Variants in SYPL2 observed in about 807,000 individuals in gnomAD.
SYPL2 encodes the protein synaptophysin-like protein 2.
A neutral mutation model predicts 31.3 loss-of-function variants in SYPL2; 24 were observed. The ratio of observed to expected loss-of-function variants is 0.77; its 90% confidence interval spans 0.56 to 1.08. SYPL2 has a LOEUF of 1.08. Ranked by LOEUF, SYPL2 falls within the 50% of genes least tolerant of loss-of-function variation. The probability of loss-of-function intolerance (pLI) is 0.00; values close to 1 mark genes in which losing one functional copy is unlikely to be tolerated. For missense variants in SYPL2, 342 were observed against 360.1 expected, an observed-to-expected ratio of 0.95 and a Z score of 0.41; for synonymous variants, 144 against 143.1, an observed-to-expected ratio of 1.01 and a Z score of -0.05.
intron 2 of SYPL2, among the ~76,000 whole-genome samples, chr1:109,468,862 G>C (rs1402798646): frequency 6.6e-6 from 1 of 151,428 alleles, no homozygotes; most frequent in Non-Finnish European, 1.5e-5. Context: ...TGCAGTCTTG[G>C]GGTCAGCACT....
In SYPL2 at chr1:109,466,766, C is replaced by G; in HGVS notation, c.-78C>G. 7.1e-7 allele frequency: 1 copy of G among 1,418,146 alleles called. No homozygotes were observed. The highest frequency in any genetic ancestry group is 9.2e-7 in the Non-Finnish European group (1 of 1,090,182). 87.8% of individuals were successfully genotyped at this position (1,418,146 alleles called of 1,614,324 possible). On this transcript the variant is annotated 5_prime_UTR_variant, in exon 1 of 6. Coordinates refer to ENST00000369872, the MANE Select transcript of SYPL2 (RefSeq NM_001040709.2). ...TGCTCTGCCCCGGACCTGCAGCTCC[C>G]CGCTCCCCCGCCGTGTCCGCCGCCT...
At chr1:109,470,285 C>T (rs1298593122) in intron 2 of SYPL2, among the ~76,000 whole-genome samples, 1 of 152,166 alleles carries the variant, frequency 6.6e-6, no homozygotes, top group South Asian at 2.1e-4. Flanking sequence ...CCTGTTACCT[C>T]GCCTAAACAA....
In SYPL2 at chr1:109,477,252, G is replaced by A. The variant is rs148682111; in HGVS notation, c.456+275G>A. On this transcript the variant is annotated intron_variant, in intron 4 of 5. Coordinates refer to ENST00000369872, the MANE Select transcript of SYPL2 (RefSeq NM_001040709.2). ...ACAAGTTAAATAACCTCTCTAAATCGCAGTTTCCTTAACTATAAAATGGGG... is the reference window on the plus strand; with the variant it reads ...ACAAGTTAAATAACCTCTCTAAATCACAGTTTCCTTAACTATAAAATGGGG... 2.0e-3 allele frequency among the ~76,000 whole-genome samples: 306 copies of A among 152,170 alleles called. 5 individuals are homozygous for A. The highest frequency in any genetic ancestry group is 0.012 in the Admixed American group (189 of 15,278).
At chr1:109,477,714 C>G in intron 4 of SYPL2, 104 bp from the exon 5 acceptor site, 2 of 1,487,490 alleles carry the variant, frequency 1.3e-6, no homozygotes, top group Non-Finnish European at 9.0e-7. Flanking sequence ...GAAGAGGCAA[C>G]TGTCCTGGCA....
intron 3 of SYPL2, among the ~76,000 whole-genome samples, 186 bp from the exon 4 acceptor site, chr1:109,476,589 GT>G (rs1656003817): frequency 6.6e-6 from 1 of 152,168 alleles, no homozygotes. Flanking sequence ...GGAAGGTAGA[GT>G]TTTACTGGAA....
At chr1:109,477,384 A>G (rs1470191541) in intron 4 of SYPL2, among the ~76,000 whole-genome samples, 1 of 152,156 alleles carries the variant, frequency 6.6e-6, no homozygotes, top group East Asian at 1.9e-4. Flanking sequence ...TATTAATATT[A>G]TTCCTCTTTA....
intron 2 of SYPL2, among the ~76,000 whole-genome samples, chr1:109,471,019 T>C (rs951850872): frequency 7.2e-5 from 11 of 152,190 alleles, no homozygotes; most frequent in African/African-American, 2.7e-4. Context: ...TGGCACAAGG[T>C]AGATGCTCAA....
chr1:109,477,907 A>G lies in SYPL2; in HGVS notation c.546A>G (p.Thr182=), dbSNP rs1656049987. 1 of 1,614,158 alleles carries G rather than the reference A, an allele frequency of 6.2e-7. No homozygotes were observed. The highest frequency in any genetic ancestry group is 2.2e-5 in the East Asian group (1 of 44,872). ...GKGLTDVKGA[T]RPSSLTAAMS... ...GCCTGACCGATGTCAAGGGGGCCAC[A>G]CGACCATCCAGCTTGACAGCAGCCA... The change falls in exon 5 of 6, where the codon ACA becomes ACG. Residue 182 remains threonine (T), a synonymous_variant. Coordinates refer to ENST00000369872, the MANE Select transcript of SYPL2 (RefSeq NM_001040709.2).
chr1:109,475,441 A>T, intron 2 of SYPL2, 140 bp from the exon 3 acceptor site: 1 of 1,198,352 alleles, frequency 8.3e-7, no homozygotes, highest in South Asian at 1.6e-5. Flanking sequence ...GTTTCTACCT[A>T]GGAAGAACTT....
rs1571064696 is a variant in SYPL2, at chr1:109,476,679, G to GT, written c.255-96dup. 3 of 1,302,196 alleles carry GT rather than the reference G, an allele frequency of 2.3e-6. 1 individual carries two copies. Among genetic ancestry groups the GT allele is most frequent in the South Asian group, 2.6e-5 (2 of 76,818 alleles). 80.7% of individuals were successfully genotyped at this position (1,302,196 alleles called of 1,614,324 possible). Reference sequence around the variant, plus strand: ...CTTACATGACCCCTTTCTTGGCTCTGTAAGAGTCCCCTGCTGAGAACTAGC... The same window carrying GT: ...CTTACATGACCCCTTTCTTGGCTCTGTTAAGAGTCCCCTGCTGAGAACTAGC... On this transcript the variant is annotated intron_variant, in intron 3 of 5. Coordinates refer to ENST00000369872, the MANE Select transcript of SYPL2 (RefSeq NM_001040709.2).
intron 2 of SYPL2, 134 bp downstream of exon 2, chr1:109,467,267 G>C: frequency 1.6e-6 from 1 of 642,788 alleles, no homozygotes; most frequent in Non-Finnish European, 2.6e-6. Flanking sequence ...GCGGCGACAG[G>C]TGGGCGGGGG....
rs1203381988 is a variant in SYPL2 at position 109,477,575 on chromosome 1, C to T, written c.457-243C>T. Among the ~76,000 whole-genome samples, 3 of 152,056 alleles carry T rather than the reference C, an allele frequency of 2.0e-5. No homozygotes were observed. The East Asian group carries it at 5.8e-4, about 29-fold the overall frequency. On this transcript the variant is annotated intron_variant, in intron 4 of 5. Transcript: ENST00000369872. ...TTTGGGGTGAGGCTGACCAACGATG[C>T]CTTGGTACACTGTTGCCAGATCTTA...
chr1:109,479,456 G>A lies in SYPL2; in HGVS notation c.727G>A (p.Gly243Ser), dbSNP rs1158786808. Residue 243 changes from glycine to serine, a missense_variant, in exon 6 of 6, where the codon GGC (glycine) becomes AGC (serine). Gly to Ser is a moderately conservative substitution (Grantham distance 56). Transcript: ENST00000369872. ...CAAGGAGACCCCGTGGCATGGACAG[G>A]GCCAGGGCCAGGACCAGGACCAGGA... is the stretch of plus-strand genomic sequence containing the variant. ...VFKETPWHGQ[G>S]QGQDQDQDQD... 1 of 1,614,012 alleles carries A rather than the reference G, an allele frequency of 6.2e-7. No homozygotes were observed. The highest frequency in any genetic ancestry group is 8.5e-7 in the Non-Finnish European group (1 of 1,179,962).
intron 1 of SYPL2, 48 bp downstream of exon 1, chr1:109,466,945 T>C: frequency 1.3e-6 from 2 of 1,533,230 alleles, no homozygotes; most frequent in Non-Finnish European, 1.7e-6. Context: ...TCCACCTAGA[T>C]GTCGGGCTGC....
chr1:109,466,742 G>A lies in SYPL2; in HGVS notation c.-102G>A, dbSNP rs1655648795. 7.7e-7 allele frequency: 1 copy of A among 1,301,328 alleles called. No individual in the cohort carries two copies. The highest frequency in any genetic ancestry group is 1.6e-5 in the African/African-American group (1 of 63,906). 80.6% of individuals were successfully genotyped at this position (1,301,328 alleles called of 1,614,324 possible). A position where few individuals can be genotyped will look rare whatever the true frequency, so the allele number is the denominator to read the frequency against. ...GCTCGCGCTCCGGCCCCGCTCGCCT[G>A]CTCTGCCCCGGACCTGCAGCTCCCC... is the stretch of plus-strand genomic sequence containing the variant. On this transcript the variant is annotated 5_prime_UTR_variant, in exon 1 of 6. Transcript: ENST00000369872.
At position 109,480,534 on chromosome 1, in the gene SYPL2, G is replaced by A. The variant is rs1473681894; in HGVS notation, c.*986G>A. 1 of 152,240 alleles carries A rather than the reference G, an allele frequency of 6.6e-6. No individual in the cohort carries two copies. The highest frequency in any genetic ancestry group is 1.5e-5 in the Non-Finnish European group (1 of 68,058). 9.4% of individuals were successfully genotyped at this position (152,240 alleles called of 1,614,324 possible). A position where few individuals can be genotyped will look rare whatever the true frequency, so the allele number is the denominator to read the frequency against. On this transcript the variant is annotated 3_prime_UTR_variant, in exon 6 of 6. Transcript: ENST00000369872. ...CAGGCCTTCCTTTTATTCCTGTGGG[G>A]CCAGACAGGGGCTTAGGAAGGGCCA...
Position 109,466,896 on chromosome 1 carries a change from A to G in SYPL2, c.53A>G (p.Gln18Arg). Residue 18 changes from glutamine to arginine, a missense_variant and splice_region_variant, in exon 1 of 6, where the codon CAG (glutamine) becomes CGG (arginine). Physicochemically the swap from Gln to Arg is conservative, Grantham distance 43 (BLOSUM62 1). Transcript: ENST00000369872. ...GRTADKSPRQ[Q>R]VDRLLVGLRW... Reference sequence around the variant, plus strand: ...ACGGCGGACAAGTCGCCGCGCCAGCAGGTAGTCCCTGCGCGCCCAGGACTC... The same window carrying G: ...ACGGCGGACAAGTCGCCGCGCCAGCGGGTAGTCCCTGCGCGCCCAGGACTC... The G allele has an allele frequency of 6.5e-7, 1 of 1,529,920 alleles. No homozygotes were observed. The highest frequency in any genetic ancestry group is 8.7e-7 in the Non-Finnish European group (1 of 1,143,972). 94.8% of individuals were successfully genotyped at this position (1,529,920 alleles called of 1,614,324 possible). A position where few individuals can be genotyped will look rare whatever the true frequency, so the allele number is the denominator to read the frequency against.
At chr1:109,474,385 T>A (rs1182424151) in intron 2 of SYPL2, among the ~76,000 whole-genome samples, 2 of 149,192 alleles carry the variant, frequency 1.3e-5, no homozygotes, top group African/African-American at 2.5e-5. Context: ...GTTGCCAGGC[T>A]GGAGTGCAGT....
Position 109,478,192 on chromosome 1 carries a change from G to C in SYPL2, c.648+183G>C. 1 of 1,367,106 alleles carries C rather than the reference G, an allele frequency of 7.3e-7. No individual in the cohort carries two copies. The allele number at this position is 1,367,106 out of a possible 1,614,324, so 84.7% of individuals were successfully genotyped here. A position where few individuals can be genotyped will look rare whatever the true frequency, so the allele number is the denominator to read the frequency against. On this transcript the variant is annotated intron_variant, in intron 5 of 5. Transcript: ENST00000369872. This position sits in a 1 kb window ranked among gnomAD's most constrained non-coding sequence, Gnocchi z 4.0. ...CTGGCTGACCCTGAGAGGACATTTTGGGATGAGGGGAACCCAAAAGCCACT... is the reference window on the plus strand; with the variant it reads ...CTGGCTGACCCTGAGAGGACATTTTCGGATGAGGGGAACCCAAAAGCCACT...
Sources: gnomAD v4.1 joint callset for allele counts (sites outside exome capture counted in the v4.1 genomes callset) on GRCh38, gnomAD v4.1.1 for gene constraint, Gnocchi (gnomAD v3.1) non-coding constraint, MANE v1.5 for transcripts, NCBI Gene and HGNC (gene_info 2026-07-23, HGNC 2026-07-21) for gene names.